The following XKR9 variants were observed in gnomAD, a reference collection of about 807,000 sequenced individuals.
XKR9 encodes the protein XK related 9.
Under a neutral mutation model 32.0 loss-of-function variants are expected in XKR9, and 32 were observed. That is an observed-to-expected ratio of 1.00 (90% CI 0.76 to 1.34). The LOEUF is 1.34. Among genes scored for constraint, XKR9 ranks in the 40% most tolerant of loss-of-function variants. The pLI is 0.00. For missense variants in XKR9, 546 were observed against 429.7 expected (o/e 1.27, Z -2.39); for synonymous variants, 168 against 143.4 (o/e 1.17, Z -1.22).
At chr8:70,866,520 T>C in the XKR9 span, among the ~76,000 whole-genome samples, 3 of 152,258 alleles carry the variant, frequency 2.0e-5, no homozygotes, top group African/African-American at 7.2e-5. Context: ...TTCTGCTGAG[T>C]TTGAGAGCAC....
At chr8:70,793,748 A>C (rs894015700), downstream of XKR9, among the ~76,000 whole-genome samples, 1 of 151,930 alleles carries the variant, frequency 6.6e-6, no homozygotes, top group African/African-American at 2.4e-5. Context: ...TGTCTTGATT[A>C]TTGTAGCTTT....
rs756123830 is a variant in XKR9, at chr8:70,734,161, A to T, written c.859A>T (p.Met287Leu). The change falls in exon 5 of 5, where the codon ATG (methionine) becomes TTG (leucine). Residue 287 changes from methionine to leucine, a missense_variant. Coordinates refer to ENST00000408926, the MANE Select transcript of XKR9 (RefSeq NM_001011720.2). ...TAAGGGACAGAATACCAAGTGTCCA[A>T]TGTCTTGTTATTATATTGTTAGGGT... Reference protein sequence around the residue: ...NIKGQNTKCPMSCYYIVRVLG... With the variant: ...NIKGQNTKCPLSCYYIVRVLG... 2.2e-5 allele frequency: 36 copies of T among 1,612,586 alleles called. No homozygotes were observed. Among genetic ancestry groups the T allele is most frequent in the Non-Finnish European group, 3.0e-5 (35 of 1,179,026 alleles).
intron 4 of XKR9, among the ~76,000 whole-genome samples, chr8:70,715,376 C>G (rs1341660360): frequency 6.6e-6 from 1 of 152,036 alleles, no homozygotes; most frequent in Non-Finnish European, 1.5e-5. Context: ...ATTAAAATGT[C>G]TTATTTTTGC....
intron 3 of XKR9, among the ~76,000 whole-genome samples, chr8:70,789,857 CTT>C (rs1243862174): frequency 2.6e-5 from 4 of 152,050 alleles, no homozygotes; most frequent in Non-Finnish European, 5.9e-5. Flanking sequence ...TCCAGCATCT[CTT>C]GTTTGGCAGG....
At chr8:70,888,576 A>G in the XKR9 span, among the ~76,000 whole-genome samples, 1 of 151,954 alleles carries the variant, frequency 6.6e-6, no homozygotes, top group African/African-American at 2.4e-5. Context: ...TACTATTTTT[A>G]TAGTTTCAGG....
At chr8:70,826,755 TACGTTGATATAGGTA>T in the XKR9 span, among the ~76,000 whole-genome samples, 2 of 152,186 alleles carry the variant, frequency 1.3e-5, no homozygotes, top group African/African-American at 4.8e-5. Context: ...AGCTGTTTAA[TACGTTGATATAGGTA>T]ACGATGAACT....
intron 4 of XKR9, among the ~76,000 whole-genome samples, chr8:70,729,261 A>G (rs1395575518): frequency 3.9e-5 from 6 of 152,226 alleles, no homozygotes; most frequent in Admixed American, 3.9e-4. Flanking sequence ...AGAGAGACAA[A>G]TATGCTCCAA....
chr8:70,829,951 G>A, the XKR9 span, among the ~76,000 whole-genome samples: 11 of 152,060 alleles, frequency 7.2e-5, no homozygotes, highest in African/African-American at 2.7e-4. Context: ...TTATTTATTT[G>A]TAAAAGTGCT....
At chr8:70,712,172 A>G (rs1420534776) in intron 4 of XKR9, among the ~76,000 whole-genome samples, 2 of 152,152 alleles carry the variant, frequency 1.3e-5, no homozygotes, top group Non-Finnish European at 2.9e-5. Flanking sequence ...AGAAATATCA[A>G]TAAATGTTTA....
chr8:70,702,515 G>GAGGTGATAAA (rs1405595926), intron 3 of XKR9, among the ~76,000 whole-genome samples: 1 of 152,074 alleles, frequency 6.6e-6, no homozygotes, highest in Non-Finnish European at 1.5e-5. Context: ...CAATTACTGA[G>GAGGTGATAAA]AGGTGATAAA....
At chr8:70,995,544 C>A in the XKR9 span, among the ~76,000 whole-genome samples, 17 of 152,158 alleles carry the variant, frequency 1.1e-4, no homozygotes, top group African/African-American at 2.4e-4. Context: ...CCTTGAAGAA[C>A]CCTCTTTTGC....
At chr8:70,903,242 A>T in the XKR9 span, among the ~76,000 whole-genome samples, 1 of 152,172 alleles carries the variant, frequency 6.6e-6, no homozygotes, top group Admixed American at 6.5e-5. Flanking sequence ...TACCTCTGGT[A>T]GAATTCGGCT....
chr8:70,981,535 C>T, the XKR9 span, among the ~76,000 whole-genome samples: 20 of 151,908 alleles, frequency 1.3e-4, no homozygotes, highest in African/African-American at 4.8e-4. Flanking sequence ...AAGAAATTTC[C>T]TTTCATATTC....
chr8:70,700,115 C>A (rs557642239), intron 3 of XKR9, among the ~76,000 whole-genome samples: 9 of 152,196 alleles, frequency 5.9e-5, no homozygotes, highest in African/African-American at 2.2e-4. Context: ...AACTTCTTTG[C>A]CTTTGGTTTG....
the XKR9 span, among the ~76,000 whole-genome samples, chr8:70,896,629 G>T: frequency 4.6e-5 from 7 of 150,960 alleles, no homozygotes; most frequent in Non-Finnish European, 1.0e-4. Context: ...TCAGTTCATT[G>T]ATTTTCTTCA....
At chr8:70,674,027 G>A (rs1442259302) in intron 1 of XKR9, among the ~76,000 whole-genome samples, 1 of 152,150 alleles carries the variant, frequency 6.6e-6, no homozygotes, top group East Asian at 1.9e-4. Context: ...ATGGGTTCAG[G>A]TATGGTGGCA....
chr8:70,998,325 G>A, the XKR9 span, among the ~76,000 whole-genome samples: 3 of 152,156 alleles, frequency 2.0e-5, no homozygotes, highest in African/African-American at 7.2e-5. Flanking sequence ...CAGGCATTTA[G>A]CATGCTCTTT....
chr8:70,701,810 G>T (rs1016249683), intron 3 of XKR9, among the ~76,000 whole-genome samples: 3 of 152,034 alleles, frequency 2.0e-5, no homozygotes, highest in Non-Finnish European at 4.4e-5. Context: ...TACTGTTCAG[G>T]GGTCTGTGGA....
the XKR9 span, among the ~76,000 whole-genome samples, chr8:70,938,972 C>CTT: frequency 7.0e-6 from 1 of 143,230 alleles, no homozygotes. Flanking sequence ...TAGAGGTGGG[C>CTT]TTTTTTTTTT....
Sources: gnomAD v4.1 joint callset for allele counts (sites outside exome capture counted in the v4.1 genomes callset) on GRCh38, gnomAD v4.1.1 for gene constraint, MANE v1.5 for transcripts, NCBI Gene and HGNC (gene_info 2026-07-23, HGNC 2026-07-21) for gene names.